LTA: variants seen among roughly 807,000 people sequenced by gnomAD.
LTA encodes the protein lymphotoxin-alpha.
Under a neutral mutation model 15.1 loss-of-function variants are expected in LTA, and 6 were observed. The observed-to-expected ratio is 0.40, with a 90% CI of 0.22 to 0.78. LTA has a LOEUF of 0.78. Among genes scored for constraint, LTA ranks in the 30% least tolerant of loss-of-function variants. The probability of loss-of-function intolerance (pLI) is 0.38; values close to 1 mark genes in which losing one functional copy is unlikely to be tolerated. For missense variants in LTA, 173 were observed against 249.5 expected (o/e 0.69, Z 2.06); for synonymous variants, 87 against 107.3 (o/e 0.81, Z 1.17).
chr6:31,570,279 A>C (rs1735039811), upstream of LTA, among the ~76,000 whole-genome samples: 3 of 152,212 alleles, frequency 2.0e-5, no homozygotes, highest in African/African-American at 7.2e-5. Context: ...CAAGTAGAGA[A>C]GAACAGGAGA....
At position 31,572,450 on chromosome 6, in the gene LTA, G is replaced by C; in HGVS notation, c.-10+4G>C. On this transcript the variant is annotated splice_donor_region_variant and intron_variant, in intron 1 of 3. Transcript: ENST00000418386. ...GCCTGCCTGGGCCTGGGCCTTGGTGGGTTTGGTTTTGGTTTCCTTCTCTGT... is the reference window on the plus strand; with the variant it reads ...GCCTGCCTGGGCCTGGGCCTTGGTGCGTTTGGTTTTGGTTTCCTTCTCTGT... 3.7e-6 allele frequency: 2 copies of C among 537,938 alleles called. No individual in the cohort carries two copies. The highest frequency in any genetic ancestry group is 4.9e-5 in the South Asian group (2 of 40,558). 33.3% of individuals were successfully genotyped at this position (537,938 alleles called of 1,614,324 possible). A position where few individuals can be genotyped will look rare whatever the true frequency, so the allele number is the denominator to read the frequency against.
the LTA span, among the ~76,000 whole-genome samples, chr6:31,564,303 G>A: frequency 6.6e-6 from 1 of 151,918 alleles, no homozygotes; most frequent in African/African-American, 2.4e-5. Flanking sequence ...CCTCTGAGAC[G>A]AAGTCTCGCT....
rs1259533870 is a variant in LTA, at chr6:31,573,021, G to T, written c.193G>T (p.Ala65Ser). ...HLAHSTLKPA[A>S]HLIGDPSKQN... ...TGCCCACAGCACCCTCAAACCTGCT[G>T]CTCACCTCATTGGTAAACATCCACC... Residue 65 changes from alanine to serine, a missense_variant, in exon 3 of 4, where the codon GCT (alanine) becomes TCT (serine). Physicochemically the swap from Ala to Ser is moderately conservative, Grantham distance 99 (BLOSUM62 1). Coordinates refer to ENST00000418386, the MANE Select transcript of LTA (RefSeq NM_000595.4). The T allele has an allele frequency of 6.2e-7, 1 of 1,612,088 alleles. No individual in the cohort carries two copies. Among genetic ancestry groups the T allele is most frequent in the Admixed American group, 1.7e-5 (1 of 59,958 alleles).
the LTA span, among the ~76,000 whole-genome samples, chr6:31,563,903 C>T: frequency 6.6e-6 from 1 of 152,028 alleles, no homozygotes. Context: ...CTACGGTGCC[C>T]GGCGGTAAGA....
chr6:31,567,542 C>T (rs1770629677), upstream of LTA, among the ~76,000 whole-genome samples: 1 of 151,388 alleles, frequency 6.6e-6, no homozygotes, highest in Non-Finnish European at 1.5e-5. Context: ...CAGCCTAGGC[C>T]ACAGAGCAAG....
In LTA at chr6:31,573,725, T is replaced by G; in HGVS notation, c.*32T>G. On this transcript the variant is annotated 3_prime_UTR_variant, in exon 4 of 4. Transcript: ENST00000418386. ...GAAAAATCCAGAAAGAAAAAATAATTGATTTCAAGACCTTCTCCCCATTCT... is the reference window on the plus strand; with the variant it reads ...GAAAAATCCAGAAAGAAAAAATAATGGATTTCAAGACCTTCTCCCCATTCT... 2.5e-6 allele frequency: 4 copies of G among 1,611,410 alleles called. 1 individual carries two copies. The South Asian group carries it at 4.4e-5, about 18-fold the overall frequency.
At chr6:31,572,899 G>T (rs1334036466) in intron 2 of LTA, 29 bp from the exon 3 acceptor site, 6 of 1,610,800 alleles carry the variant, frequency 3.7e-6, no homozygotes, top group Non-Finnish European at 4.2e-6. Flanking sequence ...TTGAGCCCTA[G>T]AGCCCCCCTC....
the LTA span, among the ~76,000 whole-genome samples, chr6:31,563,825 C>T: frequency 6.6e-6 from 1 of 152,120 alleles, no homozygotes; most frequent in African/African-American, 2.4e-5. Context: ...CCGGGCTGGT[C>T]TCGAACTCCT....
At chr6:31,564,317 T>C in the LTA span, among the ~76,000 whole-genome samples, 1 of 152,180 alleles carries the variant, frequency 6.6e-6, no homozygotes, top group African/African-American at 2.4e-5. Flanking sequence ...TCTCGCTCTG[T>C]CACCCAGGCT....
chr6:31,564,416 G>A, the LTA span, among the ~76,000 whole-genome samples: 97,683 of 151,916 alleles, frequency 0.64, 31,759 homozygotes, highest in African/African-American at 0.74. Flanking sequence ...AGTAGCTGGG[G>A]CTACAGGCAC....
chr6:31,562,106 C>T, the LTA span, among the ~76,000 whole-genome samples: 96,201 of 149,760 alleles, frequency 0.64, 31,221 homozygotes, highest in African/African-American at 0.74. Context: ...GTCAGAGAAG[C>T]AGGGCACGGG....
upstream of LTA, among the ~76,000 whole-genome samples, chr6:31,570,410 C>T (rs1244866300): frequency 2.0e-5 from 3 of 152,140 alleles, no homozygotes; most frequent in African/African-American, 7.2e-5. Context: ...GGCTTTACCC[C>T]GGGTCACCAC....
chr6:31,564,029 C>T, the LTA span, among the ~76,000 whole-genome samples: 1 of 152,212 alleles, frequency 6.6e-6, no homozygotes, highest in Non-Finnish European at 1.5e-5. Flanking sequence ...GAATAAAGAA[C>T]TGATTCAAGG....
chr6:31,565,448 T>C, the LTA span, among the ~76,000 whole-genome samples: 1 of 152,130 alleles, frequency 6.6e-6, no homozygotes, highest in Non-Finnish European at 1.5e-5. Context: ...ACTGCATCCA[T>C]TGTGAGGGGA....
the LTA span, among the ~76,000 whole-genome samples, chr6:31,560,908 A>G: frequency 8.4e-4 from 128 of 152,268 alleles, no homozygotes; most frequent in African/African-American, 2.9e-3. Flanking sequence ...GCAGACCCAT[A>G]CCTAGTTAAC....
the LTA span, among the ~76,000 whole-genome samples, chr6:31,561,691 C>CA: frequency 2.7e-3 from 363 of 133,388 alleles, 1 homozygote; most frequent in East Asian, 0.019. Flanking sequence ...ACTCTGTATC[C>CA]AAAAAAAAAA....
upstream of LTA, among the ~76,000 whole-genome samples, chr6:31,567,602 CT>C (rs59875572): frequency 0.2 from 16,351 of 81,278 alleles, 1,130 homozygotes; most frequent in African/African-American, 0.24. Context: ...TCACCTCCCT[CT>C]TTCTCTCTCT....
In LTA at chr6:31,574,001, G is replaced by A. The variant is rs1771013959; in HGVS notation, c.*308G>A. 2 of 561,732 alleles carry A rather than the reference G, an allele frequency of 3.6e-6. No individual in the cohort carries two copies. The allele number at this position is 561,732 out of a possible 1,614,324, so 34.8% of individuals were successfully genotyped here. A position where few individuals can be genotyped will look rare whatever the true frequency, so the allele number is the denominator to read the frequency against. On this transcript the variant is annotated 3_prime_UTR_variant, in exon 4 of 4. Coordinates refer to ENST00000418386, the MANE Select transcript of LTA (RefSeq NM_000595.4). ...GGGCCTAGATCCACACACAGAGGAA[G>A]AGCAGGCACATGGAGGAGCTTGGGG...
chr6:31,572,759 G>C lies in LTA; in HGVS notation c.17G>C (p.Arg6Pro). 1 of 1,608,942 alleles carries C rather than the reference G, an allele frequency of 6.2e-7. No individual in the cohort carries two copies. Among genetic ancestry groups the C allele is most frequent in the Non-Finnish European group, 8.5e-7 (1 of 1,179,414 alleles). The change falls in exon 2 of 4, where the codon CGT (arginine) becomes CCT (proline). Residue 6 changes from arginine (R) to proline (P), a missense_variant. Physicochemically the swap from Arg to Pro is moderately radical, Grantham distance 103. Transcript: ENST00000418386. ...GTTCTCCCCATGACACCACCTGAAC[G>C]TCTCTTCCTCCCAAGGGTGTGTGGC... Reference protein sequence around the residue: MTPPERLFLPRVCGTT... With the variant: MTPPEPLFLPRVCGTT...
Sources: gnomAD v4.1 joint callset for allele counts (sites outside exome capture counted in the v4.1 genomes callset) on GRCh38, gnomAD v4.1.1 for gene constraint, MANE v1.5 for transcripts, NCBI Gene and HGNC (gene_info 2026-07-23, HGNC 2026-07-21) for gene names.